LRMDA: variants seen among roughly 807,000 people sequenced by gnomAD.
LRMDA encodes the protein leucine rich melanocyte differentiation associated.
In LRMDA, 18 loss-of-function variants were observed where a neutral mutation model predicts 29.8. That is an observed-to-expected ratio of 0.60 (90% confidence interval 0.42 to 0.90). The LOEUF (loss-of-function observed/expected upper bound fraction) is 0.90, where lower values mean the gene tolerates loss of function less well. LRMDA is among the 40% of genes least tolerant of loss of function. LRMDA has a pLI of 0.00. For synonymous variants in LRMDA, 125 were observed against 109.4 expected (o/e 1.14, Z -0.89); for missense variants, 273 against 273.9 (o/e 1.00, Z 0.02).
intron 6 of LRMDA, among the ~76,000 whole-genome samples, chr10:76,371,189 A>G (rs928222702): frequency 2.6e-5 from 4 of 152,160 alleles, no homozygotes; most frequent in Admixed American, 6.5e-5. Context: ...TCCTTTGTCA[A>G]GTGGGAACAG....
At chr10:76,510,319 C>T (rs938374131) in intron 6 of LRMDA, among the ~76,000 whole-genome samples, 2 of 152,190 alleles carry the variant, frequency 1.3e-5, no homozygotes, top group South Asian at 4.1e-4. Context: ...AATCCACCCA[C>T]CTTGGCCTCC....
At chr10:76,291,584 T>C (rs1237288521) in intron 5 of LRMDA, among the ~76,000 whole-genome samples, 4 of 152,162 alleles carry the variant, frequency 2.6e-5, no homozygotes, top group African/African-American at 9.7e-5. Context: ...GATACCTTAA[T>C]GATCAGTCAG....
intron 2 of LRMDA, among the ~76,000 whole-genome samples, chr10:75,991,824 G>A (rs1457270539): frequency 6.6e-6 from 1 of 152,174 alleles, no homozygotes; most frequent in Non-Finnish European, 1.5e-5. Context: ...AAGTGATACT[G>A]AGGCCACACC....
At chr10:75,838,057 G>A (rs1844472889) in intron 2 of LRMDA, among the ~76,000 whole-genome samples, 1 of 152,012 alleles carries the variant, frequency 6.6e-6, no homozygotes, top group South Asian at 2.1e-4. Context: ...TGACTAAAGG[G>A]GCATTTTAAA....
intron 5 of LRMDA, among the ~76,000 whole-genome samples, chr10:76,223,519 A>G (rs1398675232): frequency 6.6e-6 from 1 of 152,172 alleles, no homozygotes; most frequent in South Asian, 2.1e-4. Flanking sequence ...TTAAACTGCA[A>G]TGTGATGGTA....
At chr10:76,548,483 A>G (rs1330148322) in intron 6 of LRMDA, among the ~76,000 whole-genome samples, 1 of 152,088 alleles carries the variant, frequency 6.6e-6, no homozygotes, top group Non-Finnish European at 1.5e-5. Context: ...CCTGAGGCTA[A>G]AAAACAAAAT....
intron 2 of LRMDA, among the ~76,000 whole-genome samples, chr10:75,795,108 G>A (rs1843630283): frequency 6.6e-6 from 1 of 152,014 alleles, no homozygotes; most frequent in Admixed American, 6.6e-5. Context: ...TAAGAATTGG[G>A]ATTCTGGCTG....
At chr10:75,993,377 G>A (rs1847405165) in intron 2 of LRMDA, among the ~76,000 whole-genome samples, 1 of 152,186 alleles carries the variant, frequency 6.6e-6, no homozygotes, top group South Asian at 2.1e-4. Context: ...ATTGTTCTAA[G>A]TAATTAACAT....
intron 2 of LRMDA, among the ~76,000 whole-genome samples, chr10:75,691,363 T>C (rs933740915): frequency 1.3e-5 from 2 of 151,610 alleles, no homozygotes; most frequent in Non-Finnish European, 2.9e-5. Context: ...TAATATAGCA[T>C]AGGTATCAGC....
intron 6 of LRMDA, among the ~76,000 whole-genome samples, chr10:76,509,670 G>A (rs146843803): frequency 4.6e-4 from 70 of 152,328 alleles, no homozygotes; most frequent in African/African-American, 1.6e-3. Flanking sequence ...GGATCACTGC[G>A]TGGGAAAGAT....
intron 5 of LRMDA, among the ~76,000 whole-genome samples, chr10:76,120,952 T>C (rs757427279): frequency 2.6e-5 from 4 of 151,628 alleles, no homozygotes; most frequent in South Asian, 2.1e-4. Context: ...CCTGCCTCAG[T>C]CTCCCGAGTA....
At chr10:75,458,171 G>C (rs1289271959) in intron 2 of LRMDA, among the ~76,000 whole-genome samples, 1 of 152,190 alleles carries the variant, frequency 6.6e-6, no homozygotes, top group Non-Finnish European at 1.5e-5. Flanking sequence ...AAATGTAAAA[G>C]AGTTTTGTTC....
chr10:75,802,958 A>G (rs200398958), intron 2 of LRMDA, among the ~76,000 whole-genome samples: 4,888 of 60,596 alleles, frequency 0.081, 221 homozygotes, highest in African/African-American at 0.19. Context: ...GTGTGTGTAT[A>G]TATATATATA....
rs564823241 is a variant in LRMDA, at chr10:75,832,613, T to TTTAC, written c.132-203393_132-203390dup. ...AGTGGCACCCCATTCTTGGTACCAA[T>TTTAC]TTACTGTATTAATCTGTCTTCACAC... is the stretch of plus-strand genomic sequence containing the variant. On this transcript the variant is annotated intron_variant, in intron 2 of 6. Coordinates refer to ENST00000611255, the MANE Select transcript of LRMDA (RefSeq NM_001305581.2). 1.8e-3 allele frequency among the ~76,000 whole-genome samples: 277 copies of TTTAC among 152,278 alleles called. 5 individuals are homozygous for TTTAC. The highest frequency in any genetic ancestry group is 4.6e-4 in the Non-Finnish European group (31 of 68,010).
chr10:76,135,067 T>C (rs992341979), intron 5 of LRMDA, among the ~76,000 whole-genome samples: 4 of 152,326 alleles, frequency 2.6e-5, no homozygotes, highest in African/African-American at 9.6e-5. Context: ...GCTCAAGAAT[T>C]TGTAGATGAG....
chr10:75,870,323 T>C (rs1298858133), intron 2 of LRMDA, among the ~76,000 whole-genome samples: 1 of 152,222 alleles, frequency 6.6e-6, no homozygotes, highest in Non-Finnish European at 1.5e-5. Flanking sequence ...ACCAGATGGC[T>C]CTTTGTAGAA....
intron 2 of LRMDA, among the ~76,000 whole-genome samples, chr10:75,761,196 A>T (rs1405592103): frequency 6.6e-6 from 1 of 152,204 alleles, no homozygotes. Context: ...CTGTAACCAA[A>T]ATAATTGAAA....
At position 75,915,120 on chromosome 10, in the gene LRMDA, C is replaced by CTTT. The variant is rs71024579; in HGVS notation, c.132-120861_132-120859dup. 9.3e-3 allele frequency among the ~76,000 whole-genome samples: 700 copies of CTTT among 75,258 alleles called. 85 individuals are homozygous for CTTT. Among genetic ancestry groups the CTTT allele is most frequent in the East Asian group, 0.026 (61 of 2,346 alleles). The allele number at this position is 75,258 out of a possible 152,430, so 49.4% of individuals were successfully genotyped here. On this transcript the variant is annotated intron_variant, in intron 2 of 6. Coordinates refer to ENST00000611255, the MANE Select transcript of LRMDA (RefSeq NM_001305581.2). ...CTTAGAAATTCTCATGTCTAACCTT[C>CTTT]TTTTTTTTTTTTTTTTTTTTTTTTT...
At chr10:76,110,767 G>A (rs921130148) in intron 5 of LRMDA, among the ~76,000 whole-genome samples, 6 of 152,154 alleles carry the variant, frequency 3.9e-5, no homozygotes, top group Non-Finnish European at 7.4e-5. Context: ...GGCCTCCCCA[G>A]CCATGTGGAA....
Sources: allele counts gnomAD v4.1 joint callset (sites outside exome capture counted in the v4.1 genomes callset), GRCh38; gene constraint gnomAD v4.1.1; transcripts MANE v1.5; gene names NCBI Gene and HGNC (gene_info 2026-07-23, HGNC 2026-07-21).